S100A13: variants seen among roughly 807,000 people sequenced by gnomAD.
The protein encoded by S100A13 is protein S100-A13.
Under a neutral mutation model 8.2 loss-of-function variants are expected in S100A13, and 6 were observed. That is an observed-to-expected ratio of 0.73 (90% confidence interval 0.40 to 1.44). The LOEUF is 1.44. S100A13 is among the 40% of genes most tolerant of loss of function. The pLI is 0.02. For missense variants in S100A13, 114 were observed against 113.6 expected (o/e 1.00, Z -0.02); for synonymous variants, 39 against 45.9 (o/e 0.85, Z 0.61).
upstream of S100A13, chr1:153,627,801 T>C (rs1472661170): frequency 2.0e-6 from 1 of 495,298 alleles, no homozygotes; most frequent in South Asian, 2.3e-5. Flanking sequence ...ATCAGGAGTG[T>C]GTATGCTGAG....
At chr1:153,624,801 G>A (rs1346625209) in intron 2 of S100A13, among the ~76,000 whole-genome samples, 6 of 152,124 alleles carry the variant, frequency 3.9e-5, no homozygotes, top group South Asian at 2.1e-4. Context: ...TAGGCCAGGC[G>A]CGGTGGCTCA....
chr1:153,630,201 C>A, upstream of S100A13: 1 of 446,058 alleles, frequency 2.2e-6, no homozygotes, highest in Non-Finnish European at 3.9e-6. Flanking sequence ...CCTGCCTGGG[C>A]AGCCACTGCA....
intron 2 of S100A13, among the ~76,000 whole-genome samples, chr1:153,623,973 ATTAGAAGCC>A (rs1667443803): frequency 6.6e-6 from 1 of 152,220 alleles, no homozygotes. Flanking sequence ...AGTGATTACA[ATTAGAAGCC>A]TTAGAACCTG....
chr1:153,631,611 C>T (rs200882069), upstream of S100A13: 11 of 1,613,544 alleles, frequency 6.8e-6, no homozygotes, highest in South Asian at 8.8e-5. Flanking sequence ...CTCATCTTTG[C>T]CTCCTGCTCC....
chr1:153,625,517 A>T (rs1412392640), intron 2 of S100A13, among the ~76,000 whole-genome samples: 1 of 152,184 alleles, frequency 6.6e-6, no homozygotes, highest in East Asian at 1.9e-4. Flanking sequence ...GTCTTCACAG[A>T]TGCACCCACA....
At chr1:153,631,424 A>G, upstream of S100A13, 1 of 1,505,856 alleles carries the variant, frequency 6.6e-7, no homozygotes, top group South Asian at 1.2e-5. Flanking sequence ...TAAATTAGAC[A>G]GTGCTTGTAA....
upstream of S100A13, chr1:153,632,266 CTT>C (rs397863604): frequency 3.8e-4 from 35 of 91,812 alleles, no homozygotes; most frequent in South Asian, 1.2e-3. Flanking sequence ...AAGAAATAAT[CTT>C]TTTTTTTTTT....
chr1:153,630,714 G>T (rs1183412433), upstream of S100A13: 2 of 1,597,980 alleles, frequency 1.3e-6, no homozygotes, highest in African/African-American at 2.7e-5. Flanking sequence ...TTGGGGGAAT[G>T]GGGTGGACAC....
At chr1:153,631,692 C>A (rs777561824), upstream of S100A13, 7 of 1,614,142 alleles carry the variant, frequency 4.3e-6, no homozygotes, top group Non-Finnish European at 4.2e-6. Flanking sequence ...TCTCCTCCCA[C>A]CACAGGCCCA....
upstream of S100A13, chr1:153,630,465 T>C (rs989297776): frequency 7.5e-6 from 12 of 1,602,762 alleles, no homozygotes; most frequent in African/African-American, 4.0e-5. Flanking sequence ...CCCCAGGTAC[T>C]CCGGGCCTGG....
chr1:153,627,512 G>GTGT, upstream of S100A13: 1 of 152,976 alleles, frequency 6.5e-6, no homozygotes, highest in Non-Finnish European at 1.5e-5. Context: ...GAGTGAGCTG[G>GTGT]AGCCTCAGGG....
intron 2 of S100A13, among the ~76,000 whole-genome samples, chr1:153,623,119 G>C (rs1046569711): frequency 2.0e-5 from 3 of 152,086 alleles, no homozygotes; most frequent in African/African-American, 7.2e-5. Flanking sequence ...TCAGTTGTAA[G>C]CTGGTAAGAA....
chr1:153,631,514 G>A (rs780866339), upstream of S100A13: 8 of 1,613,036 alleles, frequency 5.0e-6, no homozygotes, highest in African/African-American at 6.7e-5. Context: ...TCTGCCAGGT[G>A]AAAGAGCTTA....
chr1:153,630,340 G>A, upstream of S100A13: 5 of 812,350 alleles, frequency 6.2e-6, no homozygotes, highest in Non-Finnish European at 9.4e-6. Flanking sequence ...TAGGTCTCTT[G>A]GGGTTTCCCT....
upstream of S100A13, chr1:153,630,772 C>A: frequency 5.0e-6 from 7 of 1,405,252 alleles, no homozygotes; most frequent in South Asian, 8.6e-5. Context: ...TAGCCTCTTT[C>A]TTTCCTTTCC....
chr1:153,631,776 G>C (rs752745401), upstream of S100A13: 44 of 1,614,046 alleles, frequency 2.7e-5, no homozygotes, highest in East Asian at 4.5e-5. Flanking sequence ...GGACTTCCAG[G>C]AGTATGTGGT....
At chr1:153,623,286 T>G (rs2101576003) in intron 2 of S100A13, among the ~76,000 whole-genome samples, 1 of 152,086 alleles carries the variant, frequency 6.6e-6, no homozygotes, top group South Asian at 2.1e-4. Context: ...CAGTGAAGGG[T>G]TGGCCTTAGG....
At chr1:153,634,306 G>A (rs958415004), upstream of S100A13, 1 of 152,934 alleles carries the variant, frequency 6.5e-6, no homozygotes, top group African/African-American at 2.4e-5. Flanking sequence ...GAGCCGTGGT[G>A]GCAGCCCCGG....
At chr1:153,620,400 G>A (rs1667163556) in intron 2 of S100A13, among the ~76,000 whole-genome samples, 1 of 151,290 alleles carries the variant, frequency 6.6e-6, no homozygotes, top group African/African-American at 2.4e-5. Context: ...GGCAGAGGCT[G>A]TAGTGAGCCG....
Sources: allele counts gnomAD v4.1 joint callset (sites outside exome capture counted in the v4.1 genomes callset), GRCh38; gene constraint gnomAD v4.1.1; transcripts MANE v1.5; gene names NCBI Gene and HGNC (gene_info 2026-07-23, HGNC 2026-07-21).